Variants in PTPRD observed in about 807,000 individuals in gnomAD.
PTPRD encodes receptor-type tyrosine-protein phosphatase delta.
Under a neutral mutation model 214.5 loss-of-function variants are expected in PTPRD, and 34 were observed. That is an observed-to-expected ratio of 0.16 (90% CI 0.12 to 0.21). The LOEUF (loss-of-function observed/expected upper bound fraction) is 0.21. PTPRD is among the 10% of genes least tolerant of loss of function. PTPRD has a pLI of 1.00. For synonymous variants in PTPRD, 1,128 were observed against 845.7 expected, an observed-to-expected ratio of 1.33 and a Z score of -5.79; for missense variants, 2,545 against 2,398.7, an observed-to-expected ratio of 1.06 and a Z score of -1.27.
chr9:9,832,800 T>C (rs1482137089), intron 5 of PTPRD, among the ~76,000 whole-genome samples: 1 of 151,948 alleles, frequency 6.6e-6, no homozygotes, highest in Non-Finnish European at 1.5e-5. Flanking sequence ...GGACCAGGAT[T>C]ACATGCTGAC....
At chr9:10,489,329 A>G (rs2099152886) in intron 2 of PTPRD, among the ~76,000 whole-genome samples, 1 of 152,178 alleles carries the variant, frequency 6.6e-6, no homozygotes, top group South Asian at 2.1e-4. Flanking sequence ...GCTGGTATCC[A>G]AGATGCAAAA....
chr9:8,713,945 T>A lies in PTPRD; in HGVS notation c.64+19835A>T. The A allele has an allele frequency of 4.7e-6, 3 of 638,394 alleles. No homozygotes were observed. In the South Asian group the frequency reaches 5.8e-5, roughly 12 times the overall value. The allele number at this position is 638,394 out of a possible 1,614,324, so 39.5% of individuals were successfully genotyped here. A position where few individuals can be genotyped will look rare whatever the true frequency, so the allele number is the denominator to read the frequency against. Reference sequence around the variant, plus strand: ...TGACGCATAACTTGGAGGACCATGGTGAGAATTAGTGAGGCCTGACCTTGG... The same window carrying A: ...TGACGCATAACTTGGAGGACCATGGAGAGAATTAGTGAGGCCTGACCTTGG... On this transcript the variant is annotated intron_variant, in intron 12 of 45. Coordinates refer to ENST00000381196, the MANE Select transcript of PTPRD (RefSeq NM_002839.4).
At chr9:10,159,851 C>T (rs2099116768) in intron 3 of PTPRD, among the ~76,000 whole-genome samples, 1 of 151,756 alleles carries the variant, frequency 6.6e-6, no homozygotes, top group African/African-American at 2.4e-5. Flanking sequence ...AGTAAGCTAC[C>T]AGATATAGAA....
At chr9:9,181,754 TGAA>T (rs1461809465) in intron 10 of PTPRD, among the ~76,000 whole-genome samples, 1 of 151,990 alleles carries the variant, frequency 6.6e-6, no homozygotes, top group Non-Finnish European at 1.5e-5. Context: ...TGGTCTGTCT[TGAA>T]GAAACAATGT....
At chr9:9,499,868 A>G (rs1404763251) in intron 8 of PTPRD, among the ~76,000 whole-genome samples, 1 of 152,104 alleles carries the variant, frequency 6.6e-6, no homozygotes, top group Non-Finnish European at 1.5e-5. Context: ...TAGTTTGTAA[A>G]CACTAGAGCC....
chr9:10,401,300 A>T (rs2098265817), intron 2 of PTPRD, among the ~76,000 whole-genome samples: 1 of 151,528 alleles, frequency 6.6e-6, no homozygotes, highest in Admixed American at 6.6e-5. Context: ...GACAGGAGCT[A>T]GGTTCTGTCT....
chr9:9,687,869 G>A (rs1201862541), intron 7 of PTPRD, among the ~76,000 whole-genome samples: 2 of 151,748 alleles, frequency 1.3e-5, no homozygotes, highest in Non-Finnish European at 2.9e-5. Flanking sequence ...TTGGCTCTAT[G>A]TCCCCACCCA....
Position 9,785,598 on chromosome 9 carries a change from T to C in PTPRD, c.-367-18747A>G, listed in dbSNP as rs373805473. On this transcript the variant is annotated intron_variant, in intron 5 of 45. Coordinates refer to ENST00000381196, the MANE Select transcript of PTPRD (RefSeq NM_002839.4). ...CAAGATAATGAAAGATAAAGAGAGATTTAGCAATGGTCACAGATCAGCAGA... is the reference window on the plus strand; with the variant it reads ...CAAGATAATGAAAGATAAAGAGAGACTTAGCAATGGTCACAGATCAGCAGA... Among the ~76,000 whole-genome samples the C allele has an allele frequency of 5.9e-5, 9 of 152,138 alleles. No homozygotes were observed. In the East Asian group the frequency reaches 1.4e-3, roughly 23 times the overall value.
chr9:8,775,231 G>T lies in PTPRD; in HGVS notation c.-103-41285C>A, dbSNP rs370881341. ...AATTTTTAAAAACAACATTTCAGGGGGGTCTTTTTTTCTGATATGGTCTGT... is the reference window on the plus strand; with the variant it reads ...AATTTTTAAAAACAACATTTCAGGGTGGTCTTTTTTTCTGATATGGTCTGT... On this transcript the variant is annotated intron_variant, in intron 11 of 45. Coordinates refer to ENST00000381196, the MANE Select transcript of PTPRD (RefSeq NM_002839.4). Among the ~76,000 whole-genome samples the T allele has an allele frequency of 5.9e-5, 9 of 152,190 alleles. No individual in the cohort carries two copies. The South Asian group carries it at 1.0e-3, about 18-fold the overall frequency.
intron 10 of PTPRD, among the ~76,000 whole-genome samples, chr9:9,065,988 T>C (rs894759991): frequency 1.1e-4 from 16 of 152,268 alleles, no homozygotes; most frequent in Middle Eastern, 6.8e-3. Context: ...TAATATAAAG[T>C]AAATTTTCAG....
chr9:9,144,039 A>T (rs1250425038), intron 10 of PTPRD, among the ~76,000 whole-genome samples: 1 of 152,222 alleles, frequency 6.6e-6, no homozygotes, highest in Non-Finnish European at 1.5e-5. Flanking sequence ...TATTAAAGTG[A>T]TAACTTGGCA....
intron 7 of PTPRD, among the ~76,000 whole-genome samples, chr9:9,681,562 C>A (rs901875862): frequency 6.6e-6 from 1 of 151,658 alleles, no homozygotes; most frequent in Non-Finnish European, 1.5e-5. Flanking sequence ...AGGCCCCATC[C>A]CCTCCCCATG....
intron 12 of PTPRD, among the ~76,000 whole-genome samples, chr9:8,661,882 A>G (rs1424198500): frequency 6.6e-6 from 1 of 152,238 alleles, no homozygotes; most frequent in Non-Finnish European, 1.5e-5. Flanking sequence ...TGAAAGGGAC[A>G]GCTAATTAAG....
At chr9:9,129,162 G>A (rs181892677) in intron 10 of PTPRD, among the ~76,000 whole-genome samples, 83 of 152,280 alleles carry the variant, frequency 5.5e-4, no homozygotes, top group Non-Finnish European at 1.8e-4. Context: ...GGCCGAGGCG[G>A]GTTGATCACC....
At chr9:9,796,159 T>C (rs1271627361) in intron 5 of PTPRD, among the ~76,000 whole-genome samples, 3 of 152,158 alleles carry the variant, frequency 2.0e-5, no homozygotes, top group Non-Finnish European at 4.4e-5. Context: ...CCCAAATGGA[T>C]ACTAAGTTTT....
intron 3 of PTPRD, among the ~76,000 whole-genome samples, chr9:10,159,621 A>C (rs1382308346): frequency 6.6e-6 from 1 of 152,082 alleles, no homozygotes; most frequent in Non-Finnish European, 1.5e-5. Flanking sequence ...TAACATAGAA[A>C]AATAATTCAG....
At chr9:10,186,071 G>A (rs528329215) in intron 3 of PTPRD, among the ~76,000 whole-genome samples, 1 of 145,600 alleles carries the variant, frequency 6.9e-6, no homozygotes, top group Non-Finnish European at 1.5e-5. Context: ...AGATAATTAT[G>A]CTAGAAATAA....
chr9:10,160,812 T>C (rs1027375006), intron 3 of PTPRD, among the ~76,000 whole-genome samples: 2 of 151,872 alleles, frequency 1.3e-5, no homozygotes, highest in African/African-American at 2.4e-5. Context: ...CATGATCTTA[T>C]ACCTAGAAAA....
intron 3 of PTPRD, among the ~76,000 whole-genome samples, chr9:10,217,473 G>A (rs893087740): frequency 6.6e-6 from 1 of 151,848 alleles, no homozygotes; most frequent in Non-Finnish European, 1.5e-5. Context: ...GTATATTTCT[G>A]TTAACCTTTT....
Sources: gnomAD v4.1 joint callset for allele counts (sites outside exome capture counted in the v4.1 genomes callset) on GRCh38, gnomAD v4.1.1 for gene constraint, MANE v1.5 for transcripts, NCBI Gene and HGNC (gene_info 2026-07-23, HGNC 2026-07-21) for gene names.